The following PCDH15 variants were observed in gnomAD, a reference collection of about 807,000 sequenced individuals.
PCDH15 encodes protocadherin related 15, also known as protocadherin-15.
A neutral mutation model predicts 178.5 loss-of-function variants in PCDH15; 129 were observed. That is an observed-to-expected ratio of 0.72 (90% confidence interval 0.63 to 0.84). The LOEUF (loss-of-function observed/expected upper bound fraction) is 0.84. Ranked by LOEUF, PCDH15 falls within the 40% of genes least tolerant of loss-of-function variation. PCDH15 has a pLI of 0.00. For missense variants in PCDH15, 2,230 were observed against 2,099.9 expected (o/e 1.06, Z -1.21); for synonymous variants, 800 against 732.0 (o/e 1.09, Z -1.50).
At chr10:54,280,281 G>GTT (rs60842227) in intron 8 of PCDH15, among the ~76,000 whole-genome samples, 42 of 142,722 alleles carry the variant, frequency 2.9e-4, no homozygotes, top group Non-Finnish European at 4.8e-4. Context: ...AAAATTTCTA[G>GTT]TTTTTTTTTT....
chr10:55,125,833 T>C (rs1232857568), intron 2 of PCDH15, among the ~76,000 whole-genome samples: 1 of 152,094 alleles, frequency 6.6e-6, no homozygotes, highest in Non-Finnish European at 1.5e-5. Context: ...CCTTGCTTTC[T>C]GCAGCAGGTT....
At chr10:55,274,517 G>A (rs528165748) in intron 1 of PCDH15, among the ~76,000 whole-genome samples, 57 of 152,116 alleles carry the variant, frequency 3.7e-4, no homozygotes, top group African/African-American at 1.4e-3. Context: ...ATTGCCTGAT[G>A]ACTCCATTTT....
At chr10:54,693,322 G>A (rs2095163243) in intron 1 of PCDH15, among the ~76,000 whole-genome samples, 1 of 151,398 alleles carries the variant, frequency 6.6e-6, no homozygotes. Context: ...TTTATATGAA[G>A]CTTAACATTT....
In PCDH15 at chr10:54,280,335, T is replaced by G. The variant is rs555691599; in HGVS notation, c.876+36936A>C. 6.1e-4 allele frequency among the ~76,000 whole-genome samples: 93 copies of G among 151,290 alleles called. 2 individuals carry two copies. Among genetic ancestry groups the G allele is most frequent in the African/African-American group, 2.2e-3 (89 of 41,388 alleles). On this transcript the variant is annotated intron_variant, in intron 8 of 37. Transcript: ENST00000644397. ...TCAGTGGAATGAAAGACCTTTTTTA[T>G]CCTATGCCTCTAACCACAACCGGGT...
At chr10:54,514,781 C>T (rs1209917353) in intron 3 of PCDH15, among the ~76,000 whole-genome samples, 3 of 151,570 alleles carry the variant, frequency 2.0e-5, no homozygotes, top group Admixed American at 6.6e-5. Flanking sequence ...ACAAATAAAA[C>T]ATTTACTTAG....
intron 1 of PCDH15, among the ~76,000 whole-genome samples, chr10:54,761,534 T>C (rs1947870948): frequency 6.6e-6 from 1 of 151,872 alleles, no homozygotes; most frequent in African/African-American, 2.4e-5. Context: ...AATACAAAAA[T>C]TAGCCTGGCG....
rs536872546 is a variant in PCDH15, at chr10:53,931,583, A to G, written c.3373+7232T>C. On this transcript the variant is annotated intron_variant, in intron 25 of 37. Coordinates refer to ENST00000644397, the MANE Select transcript of PCDH15 (RefSeq NM_001384140.1). ...TGTTCTACAGTCTCACTGAAACAAT[A>G]TTCTTAATATGAAAATATAGAATTA... 2.6e-5 allele frequency among the ~76,000 whole-genome samples: 4 copies of G among 151,792 alleles called. No homozygotes were observed. In the South Asian group the frequency reaches 8.3e-4, roughly 31 times the overall value.
chr10:54,777,277 C>T (rs1949813981), intron 1 of PCDH15, among the ~76,000 whole-genome samples: 1 of 152,148 alleles, frequency 6.6e-6, no homozygotes, highest in Admixed American at 6.5e-5. Flanking sequence ...GCGCTGGCTG[C>T]TCAGCAGGGT....
intron 1 of PCDH15, among the ~76,000 whole-genome samples, chr10:55,190,140 T>C (rs1285980016): frequency 1.3e-5 from 2 of 151,746 alleles, no homozygotes; most frequent in African/African-American, 2.4e-5. Flanking sequence ...AGAATCCAGA[T>C]ACATGATAAT....
intron 2 of PCDH15, among the ~76,000 whole-genome samples, chr10:55,547,234 T>A (rs549753012): frequency 1.3e-5 from 2 of 152,254 alleles, no homozygotes; most frequent in African/African-American, 4.8e-5. Context: ...GAGGATCCCC[T>A]CCATGGTTAT....
chr10:55,212,404 T>C (rs1840593187), intron 1 of PCDH15, among the ~76,000 whole-genome samples: 1 of 152,042 alleles, frequency 6.6e-6, no homozygotes, highest in South Asian at 2.1e-4. Context: ...ATTCTCTTTC[T>C]TTTGCCTATT....
At chr10:55,413,952 T>C (rs948538766) in intron 2 of PCDH15, among the ~76,000 whole-genome samples, 16 of 151,598 alleles carry the variant, frequency 1.1e-4, no homozygotes, top group Non-Finnish European at 1.6e-4. Context: ...TGTGCATTTG[T>C]TCAAGACATG....
chr10:53,862,653 T>A (rs2079177170), intron 27 of PCDH15, among the ~76,000 whole-genome samples: 2 of 152,150 alleles, frequency 1.3e-5, no homozygotes, highest in South Asian at 4.1e-4. Context: ...GCTCCCTTCA[T>A]CCATTTTGTG....
intron 3 of PCDH15, among the ~76,000 whole-genome samples, chr10:54,419,034 TTATAG>T (rs1427216369): frequency 6.6e-6 from 1 of 152,006 alleles, no homozygotes; most frequent in African/African-American, 2.4e-5. Context: ...AAAAATTTTA[TTATAG>T]TAGTTATTTT....
At chr10:54,055,784 A>C (rs374471420) in intron 18 of PCDH15, among the ~76,000 whole-genome samples, 2 of 152,088 alleles carry the variant, frequency 1.3e-5, no homozygotes, top group Admixed American at 1.3e-4. Flanking sequence ...GAATTATGTT[A>C]ATAAGTACAA....
intron 19 of PCDH15, 50 bp from the exon 20 acceptor site, chr10:54,020,466 A>T: frequency 6.4e-7 from 1 of 1,553,522 alleles, no homozygotes; most frequent in Non-Finnish European, 8.9e-7. Flanking sequence ...CAAAATAAAG[A>T]AATGCAGGAA....
At chr10:55,338,796 A>AAAAC (rs1182221752) in intron 2 of PCDH15, among the ~76,000 whole-genome samples, 1 of 152,118 alleles carries the variant, frequency 6.6e-6, no homozygotes, top group Non-Finnish European at 1.5e-5. Context: ...ACAAAACAAA[A>AAAAC]AAACAAACAA....
intron 2 of PCDH15, among the ~76,000 whole-genome samples, chr10:54,653,381 G>A (rs1407142607): frequency 1.3e-5 from 2 of 152,152 alleles, no homozygotes; most frequent in Non-Finnish European, 2.9e-5. Context: ...ATTTACTATA[G>A]CCACAGAGCT....
rs541469086 is a variant in PCDH15 at position 54,468,790 on chromosome 10, A to T, written c.157+59022T>A. 3.9e-5 allele frequency among the ~76,000 whole-genome samples: 6 copies of T among 152,236 alleles called. No homozygotes were observed. The South Asian group carries it at 1.2e-3, about 32-fold the overall frequency. ...ACATTATTGCAGTCTATTTGTCCTT[A>T]TTGATCTAATAATATTTGTTTTATA... On this transcript the variant is annotated intron_variant, in intron 3 of 37. Coordinates refer to ENST00000644397, the MANE Select transcript of PCDH15 (RefSeq NM_001384140.1).
Sources: gnomAD v4.1 joint callset for allele counts (sites outside exome capture counted in the v4.1 genomes callset) on GRCh38, gnomAD v4.1.1 for gene constraint, MANE v1.5 for transcripts, NCBI Gene and HGNC (gene_info 2026-07-23, HGNC 2026-07-21) for gene names.